The following RYR3 variants were observed in gnomAD, a reference collection of about 807,000 sequenced individuals.
RYR3 encodes brain ryanodine receptor-calcium release channel.
In RYR3, 207 loss-of-function variants were observed where a neutral mutation model predicts 584.3. The observed-to-expected ratio is 0.35, with a 90% CI of 0.32 to 0.40. The LOEUF (loss-of-function observed/expected upper bound fraction) is 0.40. RYR3 is among the 10% of genes least tolerant of loss of function. The pLI, the probability that RYR3 is intolerant of heterozygous loss-of-function variation, is 1.00. For missense variants in RYR3, 5,616 were observed against 6,089.2 expected, an observed-to-expected ratio of 0.92 and a Z score of 2.59; for synonymous variants, 2,416 against 2,248.5, an observed-to-expected ratio of 1.07 and a Z score of -2.11.
intron 1 of RYR3, among the ~76,000 whole-genome samples, chr15:33,337,637 A>G (rs1353379162): frequency 2.0e-5 from 3 of 152,170 alleles, no homozygotes; most frequent in African/African-American, 7.2e-5. Flanking sequence ...GTTGGAATTT[A>G]TGAATAGATG....
intron 2 of RYR3, among the ~76,000 whole-genome samples, chr15:33,482,700 T>A (rs1308681065): frequency 6.6e-6 from 1 of 152,230 alleles, no homozygotes; most frequent in African/African-American, 2.4e-5. Context: ...ACTACAGGCG[T>A]GAGTCACTGT....
At chr15:33,548,884 G>A (rs141370759) in intron 9 of RYR3, among the ~76,000 whole-genome samples, 290 of 152,178 alleles carry the variant, frequency 1.9e-3, no homozygotes, top group Middle Eastern at 6.8e-3. Context: ...GTTAAGCATC[G>A]CCCTCTGATT....
At chr15:33,360,273 C>T (rs1489428739) in intron 1 of RYR3, among the ~76,000 whole-genome samples, 1 of 148,002 alleles carries the variant, frequency 6.8e-6, no homozygotes, top group Non-Finnish European at 1.5e-5. Context: ...TCAGTCCCTG[C>T]CCATCTCCCA....
intron 76 of RYR3, 142 bp downstream of exon 76, chr15:33,818,826 C>A: frequency 3.1e-6 from 2 of 649,712 alleles, no homozygotes; most frequent in Non-Finnish European, 5.3e-6. Flanking sequence ...ATTTGGCCAT[C>A]AAGATATGTC....
At chr15:33,532,560 AAAT>A (rs1322324000) in intron 4 of RYR3, among the ~76,000 whole-genome samples, 1 of 152,220 alleles carries the variant, frequency 6.6e-6, no homozygotes, top group Non-Finnish European at 1.5e-5. Context: ...CATGTATTGT[AAAT>A]AATGTTCCAG....
At chr15:33,685,787 C>T (rs2064965318) in intron 38 of RYR3, among the ~76,000 whole-genome samples, 1 of 152,224 alleles carries the variant, frequency 6.6e-6, no homozygotes, top group African/African-American at 2.4e-5. Flanking sequence ...GATTAAGAAA[C>T]TCACTCAAAA....
intron 18 of RYR3, among the ~76,000 whole-genome samples, chr15:33,610,788 T>C (rs2060143051): frequency 6.6e-6 from 1 of 152,198 alleles, no homozygotes; most frequent in Non-Finnish European, 1.5e-5. Flanking sequence ...CAAAATTCCT[T>C]TATGTTTCAT....
At chr15:33,437,040 A>C (rs1399552855) in intron 1 of RYR3, among the ~76,000 whole-genome samples, 1 of 151,866 alleles carries the variant, frequency 6.6e-6, no homozygotes, top group Non-Finnish European at 1.5e-5. Flanking sequence ...AGCATCACTT[A>C]TTGTAATGAT....
intron 62 of RYR3, among the ~76,000 whole-genome samples, chr15:33,769,836 C>T (rs968621768): frequency 6.6e-6 from 1 of 152,096 alleles, no homozygotes; most frequent in African/African-American, 2.4e-5. Context: ...GTAGTCCCAA[C>T]TACTCGGGTG....
chr15:33,707,109 A>C, intron 43 of RYR3, 55 bp downstream of exon 43: 1 of 1,590,808 alleles, frequency 6.3e-7, no homozygotes, highest in South Asian at 1.1e-5. Context: ...GATCGTGGAT[A>C]CCTACAAGGA....
rs188433999 is a variant in RYR3, at chr15:33,689,574, G to A, written c.5861-6644G>A. On this transcript the variant is annotated intron_variant, in intron 38 of 103. Coordinates refer to ENST00000634891, the MANE Select transcript of RYR3 (RefSeq NM_001036.6). ...GATCATTTCTGGTATCACTTGGAAGGCCCCTCTTTTAACTTCCTGATAGAG... is the reference window on the plus strand; with the variant it reads ...GATCATTTCTGGTATCACTTGGAAGACCCCTCTTTTAACTTCCTGATAGAG... Among the ~76,000 whole-genome samples, 4 of 152,178 alleles carry A rather than the reference G, an allele frequency of 2.6e-5. No homozygotes were observed. The East Asian group carries it at 7.7e-4, about 29-fold the overall frequency.
At chr15:33,565,080 C>T (rs1444403042) in intron 11 of RYR3, among the ~76,000 whole-genome samples, 1 of 149,914 alleles carries the variant, frequency 6.7e-6, no homozygotes, top group Non-Finnish European at 1.5e-5. Context: ...CCCTGCTCTT[C>T]AGTTGTAAGA....
intron 3 of RYR3, among the ~76,000 whole-genome samples, chr15:33,526,198 A>C (rs117663673): frequency 0.026 from 3,886 of 152,320 alleles, 64 homozygotes; most frequent in Non-Finnish European, 0.04. Context: ...GACTGGGAAG[A>C]AATATCCTCT....
chr15:33,818,465 C>G (rs932746294), intron 75 of RYR3, 113 bp from the exon 76 acceptor site: 2 of 724,132 alleles, frequency 2.8e-6, no homozygotes, highest in African/African-American at 1.8e-5. Context: ...TTGTTTTGTG[C>G]TTTAGTCTGA....
At chr15:33,472,845 T>G (rs2049037723) in intron 1 of RYR3, among the ~76,000 whole-genome samples, 1 of 152,132 alleles carries the variant, frequency 6.6e-6, no homozygotes, top group Non-Finnish European at 1.5e-5. Flanking sequence ...ATCTTTAATC[T>G]TCCTTTTCTG....
At chr15:33,519,812 T>C (rs936188538) in intron 3 of RYR3, among the ~76,000 whole-genome samples, 20 of 152,016 alleles carry the variant, frequency 1.3e-4, no homozygotes, top group African/African-American at 4.8e-4. Flanking sequence ...GTTCTGTCTA[T>C]CCCCAGGCCC....
At chr15:33,359,867 C>T (rs993833449) in intron 1 of RYR3, among the ~76,000 whole-genome samples, 1 of 151,894 alleles carries the variant, frequency 6.6e-6, no homozygotes. Context: ...GTGATCCGTC[C>T]GCCTCGGTCT....
At chr15:33,450,087 T>TAAACAAAAAA (rs2046989727) in intron 1 of RYR3, among the ~76,000 whole-genome samples, 1 of 67,340 alleles carries the variant, frequency 1.5e-5, no homozygotes, top group Non-Finnish European at 2.7e-5. Context: ...CATTAATACC[T>TAAACAAAAAA]AAAAAAAAAA....
At chr15:33,556,724 C>T (rs1352655764) in intron 10 of RYR3, among the ~76,000 whole-genome samples, 4 of 152,056 alleles carry the variant, frequency 2.6e-5, no homozygotes, top group Non-Finnish European at 4.4e-5. Flanking sequence ...TTCTTCTTGC[C>T]GTGCGGTGCC....
Sources: allele counts gnomAD v4.1 joint callset (sites outside exome capture counted in the v4.1 genomes callset), GRCh38; gene constraint gnomAD v4.1.1; transcripts MANE v1.5; gene names NCBI Gene and HGNC (gene_info 2026-07-23, HGNC 2026-07-21).